Variants in TMEM114 observed in about 807,000 individuals in gnomAD.
TMEM114 encodes claudin-26.
Under a neutral mutation model 6.2 loss-of-function variants are expected in TMEM114, and 6 were observed. That is an observed-to-expected ratio of 0.97 (90% CI 0.53 to 1.91). TMEM114 has a LOEUF of 1.91. Ranked by LOEUF, TMEM114 falls within the 40% of genes most tolerant of loss-of-function variation. The probability of loss-of-function intolerance (pLI) is 0.01; values close to 1 mark genes in which losing one functional copy is unlikely to be tolerated. For missense variants in TMEM114, 218 were observed against 158.3 expected (o/e 1.38, Z -2.02); for synonymous variants, 104 against 73.0 (o/e 1.42, Z -2.16).
chr16:8,573,007 C>A (rs1901786941), intron 2 of TMEM114, among the ~76,000 whole-genome samples: 1 of 152,186 alleles, frequency 6.6e-6, no homozygotes, highest in Non-Finnish European at 1.5e-5. Context: ...AGTGCCGGCC[C>A]CGTTCTCTAC....
At chr16:8,563,613 GTGACTGAATGAGTGAGTGAATGAGTAAA>G (rs1901374866) in intron 2 of TMEM114, among the ~76,000 whole-genome samples, 2 of 149,946 alleles carry the variant, frequency 1.3e-5, no homozygotes, top group Admixed American at 6.6e-5. Flanking sequence ...GAGTAAATGA[GTGACTGAATGAGTGAGTGAATGAGTAAA>G]TGAGTGAGTG....
chr16:8,557,550 G>T (rs769682559), intron 2 of TMEM114, among the ~76,000 whole-genome samples: 1 of 152,144 alleles, frequency 6.6e-6, no homozygotes, highest in Non-Finnish European at 1.5e-5. Context: ...AATATACAAG[G>T]GTCACTAGTT....
At chr16:8,541,564 A>C (rs1055552471) in intron 2 of TMEM114, among the ~76,000 whole-genome samples, 2 of 149,236 alleles carry the variant, frequency 1.3e-5, no homozygotes, top group East Asian at 1.9e-4. Context: ...CTGCTACAAC[A>C]TGAAGCTTCA....
At chr16:8,567,527 A>G (rs1021604272), downstream of TMEM114, among the ~76,000 whole-genome samples, 19 of 152,288 alleles carry the variant, frequency 1.2e-4, no homozygotes, top group Non-Finnish European at 2.5e-4. Context: ...GCATGTCCCA[A>G]GGTGGACGTG....
chr16:8,574,722 T>C (rs1222176832), intron 2 of TMEM114, among the ~76,000 whole-genome samples: 1 of 152,120 alleles, frequency 6.6e-6, no homozygotes, highest in Non-Finnish European at 1.5e-5. Context: ...AAGGAAATCA[T>C]TTCTCGTTCA....
chr16:8,562,044 G>C (rs1177563034), intron 2 of TMEM114, among the ~76,000 whole-genome samples: 1 of 149,574 alleles, frequency 6.7e-6, no homozygotes, highest in African/African-American at 2.5e-5. Flanking sequence ...GAGTAAATGA[G>C]TGAGTGAGTG....
chr16:8,566,400 A>G (rs1005523871), downstream of TMEM114, among the ~76,000 whole-genome samples: 6 of 152,022 alleles, frequency 3.9e-5, no homozygotes, highest in African/African-American at 1.4e-4. Context: ...TCAGAATAGA[A>G]CAGAACAGGT....
At chr16:8,553,031 G>C (rs998685145) in intron 2 of TMEM114, among the ~76,000 whole-genome samples, 1 of 152,200 alleles carries the variant, frequency 6.6e-6, no homozygotes, top group Non-Finnish European at 1.5e-5. Context: ...ATCCAGCCGA[G>C]GTTCTTGCTT....
chr16:8,535,177 T>C (rs1487504050), downstream of TMEM114, among the ~76,000 whole-genome samples: 1 of 152,218 alleles, frequency 6.6e-6, no homozygotes, highest in Non-Finnish European at 1.5e-5. Flanking sequence ...AACCACATAC[T>C]TCATAAGCCT....
At chr16:8,539,623 G>C (rs79970031) in intron 2 of TMEM114, among the ~76,000 whole-genome samples, 14,598 of 152,180 alleles carry the variant, frequency 0.096, 861 homozygotes, top group Middle Eastern at 0.21. Context: ...GGTTGTATCA[G>C]CTGGAAGCAC....
intron 2 of TMEM114, among the ~76,000 whole-genome samples, chr16:8,556,882 G>A (rs992646756): frequency 6.6e-6 from 1 of 152,148 alleles, no homozygotes; most frequent in East Asian, 1.9e-4. Context: ...CCTTCACATT[G>A]ATCTCAATGC....
intron 2 of TMEM114, among the ~76,000 whole-genome samples, chr16:8,576,687 G>C (rs185611723): frequency 4.8e-4 from 72 of 151,346 alleles, no homozygotes; most frequent in Non-Finnish European, 2.9e-5. Context: ...ATGGATGGCT[G>C]AGTTAATGAA....
chr16:8,574,322 G>A (rs1409397511), intron 2 of TMEM114, among the ~76,000 whole-genome samples: 1 of 152,206 alleles, frequency 6.6e-6, no homozygotes, highest in East Asian at 1.9e-4. Context: ...AAGATGTGCA[G>A]TGTTGCGTCC....
intron 2 of TMEM114, among the ~76,000 whole-genome samples, chr16:8,575,710 G>T (rs1041062706): frequency 1.2e-4 from 18 of 152,328 alleles, no homozygotes; most frequent in Admixed American, 6.5e-4. Flanking sequence ...ACAGGATTGT[G>T]TACTGAGGAA....
At chr16:8,562,526 T>TGAGTGAGTGAGTGAATGAGTGAGTGAGTA (rs1465142445) in intron 2 of TMEM114, among the ~76,000 whole-genome samples, 1 of 127,142 alleles carries the variant, frequency 7.9e-6, no homozygotes, top group Non-Finnish European at 1.7e-5. Context: ...ATGAGTGAGT[T>TGAGTGAGTGAGTGAATGAGTGAGTGAGTA]AATGAGTGAG....
At chr16:8,535,835 C>T (rs1203966332), downstream of TMEM114, among the ~76,000 whole-genome samples, 1 of 152,168 alleles carries the variant, frequency 6.6e-6, no homozygotes, top group Admixed American at 6.5e-5. Flanking sequence ...GGCTGAGAAT[C>T]ACAATACCCA....
At chr16:8,548,811 C>T (rs1417390727) in intron 2 of TMEM114, among the ~76,000 whole-genome samples, 4 of 151,820 alleles carry the variant, frequency 2.6e-5, no homozygotes, top group Non-Finnish European at 1.5e-5. Context: ...GGAGGAGCTA[C>T]TGTTAAAAAG....
At chr16:8,537,740 G>T (rs1900401125) in exon 3 of TMEM114, 1 of 152,070 alleles carries the variant, frequency 6.6e-6, no homozygotes, top group African/African-American at 2.4e-5. Flanking sequence ...TTCTTTCCAT[G>T]ACGGCAAAGC....
Position 8,589,735 on chromosome 16 carries a change from A to G in TMEM114, c.104T>C (p.Ile35Thr), listed in dbSNP as rs1048548807. 6.0e-5 allele frequency: 24 copies of G among 398,484 alleles called. No homozygotes were observed. Among genetic ancestry groups the G allele is most frequent in the Admixed American group, 1.8e-4 (4 of 22,724 alleles). The allele number at this position is 398,484 out of a possible 1,614,324, so 24.7% of individuals were successfully genotyped here. A position where few individuals can be genotyped will look rare whatever the true frequency, so the allele number is the denominator to read the frequency against. The part of the protein sequence containing the change: ...AAIGTDFWYI[I>T]DTERLERTGP... ...AGTCCTCTCCAGCCGCTCGGTGTCA[A>G]TGATATACCAGAAGTCCGTGCCGAT... The change falls in exon 1 of 4, where the codon ATT becomes ACT. Residue 35 changes from isoleucine (I) to threonine (T), a missense_variant. Ile to Thr is a moderately conservative substitution (Grantham distance 89). Coordinates refer to ENST00000620492, the MANE Select transcript of TMEM114 (RefSeq NM_001146336.2).
Sources: gnomAD v4.1 joint callset for allele counts (sites outside exome capture counted in the v4.1 genomes callset) on GRCh38, gnomAD v4.1.1 for gene constraint, MANE v1.5 for transcripts, NCBI Gene and HGNC (gene_info 2026-07-23, HGNC 2026-07-21) for gene names.